LPIN1: variants seen among roughly 807,000 people sequenced by gnomAD.
LPIN1 encodes the protein phosphatidate phosphatase LPIN1.
Under a neutral mutation model 107.5 loss-of-function variants are expected in LPIN1, and 71 were observed. The observed-to-expected ratio is 0.66, with a 90% CI of 0.55 to 0.80. The LOEUF is 0.80. LPIN1 is among the 30% of genes least tolerant of loss of function. The pLI is 0.00. For missense variants in LPIN1, 1,043 were observed against 1,160.6 expected (o/e 0.90, Z 1.47); for synonymous variants, 445 against 452.6 (o/e 0.98, Z 0.21).
rs1572328548 is a variant in LPIN1, at chr2:11,693,822, A to ATATAT, written c.81+16095_81+16096insATATT. Among the ~76,000 whole-genome samples the ATATAT allele has an allele frequency of 3.9e-3, 74 of 18,998 alleles. 1 individual carries two copies. The highest frequency in any genetic ancestry group is 6.2e-3 in the Non-Finnish European group (61 of 9,884). 12.5% of individuals were successfully genotyped at this position (18,998 alleles called of 152,430 possible). On this transcript the variant is annotated intron_variant, in intron 1 of 21. Transcript: ENST00000449576. ...TATATATATATATATATATATATAT[A>ATATAT]TTTTTTTTTTTTTTTTTTTTTTTTT...
intron 1 of LPIN1, chr2:11,741,112 AGC>A (rs1456092410): frequency 2.7e-6 from 1 of 368,962 alleles, no homozygotes; most frequent in African/African-American, 2.1e-5. Flanking sequence ...CCTTCACAGC[AGC>A]ACAAATGGGA....
At chr2:11,782,622 A>G in intron 8 of LPIN1, 115 bp downstream of exon 8, 1 of 1,169,814 alleles carries the variant, frequency 8.5e-7, no homozygotes, top group South Asian at 1.3e-5. Context: ...GAACCGTGAC[A>G]ATGATCATGT....
intron 6 of LPIN1, among the ~76,000 whole-genome samples, chr2:11,778,690 C>T (rs1038698377): frequency 3.3e-5 from 5 of 152,200 alleles, no homozygotes; most frequent in Admixed American, 2.6e-4. Context: ...AATAATTAAC[C>T]ATGTTATTAT....
At chr2:11,740,686 A>G (rs1230180481) in intron 1 of LPIN1, among the ~76,000 whole-genome samples, 8 of 35,206 alleles carry the variant, frequency 2.3e-4, no homozygotes, top group South Asian at 5.7e-4. Context: ...TCTATCTCGA[A>G]AAAAAAAAAA....
intron 1 of LPIN1, among the ~76,000 whole-genome samples, chr2:11,759,496 G>C (rs1255600518): frequency 2.0e-5 from 3 of 152,092 alleles, no homozygotes; most frequent in Admixed American, 2.0e-4. Context: ...CACCGGGTTG[G>C]GGGTAAGGTC....
At chr2:11,801,986 G>T (rs1361175553) in intron 14 of LPIN1, among the ~76,000 whole-genome samples, 2 of 152,106 alleles carry the variant, frequency 1.3e-5, no homozygotes, top group Non-Finnish European at 2.9e-5. Context: ...CTCTAACCTT[G>T]CCTAGAGGAA....
chr2:11,761,743 G>C (rs1669868369), intron 1 of LPIN1, among the ~76,000 whole-genome samples: 1 of 152,170 alleles, frequency 6.6e-6, no homozygotes, highest in South Asian at 2.1e-4. Flanking sequence ...GTTGAGGTAA[G>C]ATTTACAAAA....
chr2:11,699,192 G>A (rs1335015559), intron 1 of LPIN1, among the ~76,000 whole-genome samples: 1 of 152,108 alleles, frequency 6.6e-6, no homozygotes, highest in African/African-American at 2.4e-5. Context: ...CCAAAAGATG[G>A]GACACTCCTG....
Position 11,815,104 on chromosome 2 carries a change from C to G in LPIN1, c.2266C>G (p.Leu756Val). The G allele has an allele frequency of 6.2e-7, 1 of 1,614,174 alleles. No homozygotes were observed. The highest frequency in any genetic ancestry group is 1.1e-5 in the South Asian group (1 of 91,088). The change falls in exon 18 of 21, where the codon CTC becomes GTC. Residue 756 changes from leucine to valine, a missense_variant. Coordinates refer to ENST00000674199, the MANE Select transcript of LPIN1 (RefSeq NM_001349206.2). ...HKVSQNGYKF[L>V]YCSARAIGMA... is the part of the protein sequence containing the mutation. ...GTCTTTCAGGAATGGATATAAATTT[C>G]TCTACTGTTCTGCCCGTGCCATCGG... is the stretch of plus-strand genomic sequence containing the variant.
intron 13 of LPIN1, among the ~76,000 whole-genome samples, chr2:11,793,939 G>A (rs759640235): frequency 2.3e-4 from 35 of 152,130 alleles, no homozygotes; most frequent in African/African-American, 8.0e-4. Flanking sequence ...TTGAGGGCAC[G>A]CTGATTACTC....
chr2:11,677,806 A>T lies in LPIN1; in HGVS notation c.81+78A>T, dbSNP rs1278018672. The T allele has an allele frequency of 4.8e-6, 6 of 1,254,560 alleles. No homozygotes were observed. The African/African-American group carries it at 8.8e-5, about 18-fold the overall frequency. The allele number at this position is 1,254,560 out of a possible 1,614,324, so 77.7% of individuals were successfully genotyped here. On this transcript the variant is annotated intron_variant, in intron 1 of 21. Coordinates refer to the LPIN1 transcript ENST00000449576. Reference sequence around the variant, plus strand: ...TCCATCCCCAGGTGCCCGCGTACTGATGGGACCCGGGGAACATTTGCGCCC... The same window carrying T: ...TCCATCCCCAGGTGCCCGCGTACTGTTGGGACCCGGGGAACATTTGCGCCC...
At chr2:11,760,202 G>T (rs1245332235) in intron 1 of LPIN1, among the ~76,000 whole-genome samples, 14 of 151,948 alleles carry the variant, frequency 9.2e-5, no homozygotes, top group Non-Finnish European at 2.1e-4. Context: ...CAGACTGGGG[G>T]CAGCCGGGCA....
At chr2:11,773,883 GTA>G (rs924616082) in intron 5 of LPIN1, 138 bp downstream of exon 5, 48 of 935,218 alleles carry the variant, frequency 5.1e-5, no homozygotes, top group Non-Finnish European at 7.2e-5. Flanking sequence ...AGAGTCGGAG[GTA>G]CAGATTAGGA....
chr2:11,801,071 T>G (rs531011428), intron 14 of LPIN1, among the ~76,000 whole-genome samples: 4 of 152,216 alleles, frequency 2.6e-5, no homozygotes, highest in Non-Finnish European at 5.9e-5. Context: ...CTCACCCCAG[T>G]TAGCATGGCT....
chr2:11,804,528 G>A lies in LPIN1; in HGVS notation c.2119G>A (p.Asp707Asn). 5 of 1,614,214 alleles carry A rather than the reference G, an allele frequency of 3.1e-6. No homozygotes were observed. Among genetic ancestry groups the A allele is most frequent in the Non-Finnish European group, 4.2e-6 (5 of 1,180,040 alleles). The change falls in exon 16 of 21, where the codon GAT becomes AAT. Residue 707 changes from aspartate (D) to asparagine (N), a missense_variant. Coordinates refer to ENST00000674199, the MANE Select transcript of LPIN1 (RefSeq NM_001349206.2). ...CEGTIYLWNW[D>N]DKVIISDIDG... Reference sequence around the variant, plus strand: ...GGGCACCATCTATCTGTGGAACTGGGATGATAAAGTCATCATTTCTGATAT... The same window carrying A: ...GGGCACCATCTATCTGTGGAACTGGAATGATAAAGTCATCATTTCTGATAT...
rs370443112 is a variant in LPIN1, at chr2:11,824,728, C to T, written c.2718C>T (p.Phe906=). ...CCTGTTCGGATACCTTCAGTAACTT[C>T]ACCTTTTGGAGAGAGCCACTGCCAC... ...DFPCSDTFSN[F]TFWREPLPPF... is the part of the protein sequence containing the mutation. Residue 906 remains phenylalanine (F), a synonymous_variant, in exon 21 of 21, where the codon TTC becomes TTT. Coordinates refer to ENST00000674199, the MANE Select transcript of LPIN1 (RefSeq NM_001349206.2). 34 of 1,614,070 alleles carry T rather than the reference C, an allele frequency of 2.1e-5. No homozygotes were observed. The African/African-American group carries it at 3.9e-4, about 18-fold the overall frequency.
rs761169701 is a variant in LPIN1, at chr2:11,784,970, G to T, written c.1443G>T (p.Ser481=). The change falls in exon 10 of 21, where the codon TCG becomes TCT. Residue 481 remains serine, a synonymous_variant. Coordinates refer to ENST00000674199, the MANE Select transcript of LPIN1 (RefSeq NM_001349206.2). The part of the protein sequence containing the change: ...ANQSPQSVGS[S]GVDSGVESTS... Reference sequence around the variant, plus strand: ...AGTCCCCGCAGTCGGTGGGCAGCTCGGGCGTGGACAGTGGCGTGGAGAGCA... The same window carrying T: ...AGTCCCCGCAGTCGGTGGGCAGCTCTGGCGTGGACAGTGGCGTGGAGAGCA... 2.5e-6 allele frequency: 4 copies of T among 1,613,878 alleles called. No homozygotes were observed. The Admixed American group carries it at 6.7e-5, about 27-fold the overall frequency.
intron 20 of LPIN1, among the ~76,000 whole-genome samples, chr2:11,822,894 C>T (rs554585279): frequency 6.6e-6 from 1 of 152,220 alleles, no homozygotes; most frequent in Middle Eastern, 3.2e-3. Context: ...ATGCACACCT[C>T]GCCCATGGCT....
chr2:11,767,780 T>TG lies in LPIN1; in HGVS notation c.214dup (p.Glu72GlyfsTer12). 6.2e-7 allele frequency: 1 copy of TG among 1,610,502 alleles called. No homozygotes were observed. The highest frequency in any genetic ancestry group is 8.5e-7 in the Non-Finnish European group (1 of 1,176,616). On this transcript the variant is annotated frameshift_variant, in exon 3 of 21. Coordinates refer to ENST00000674199, the MANE Select transcript of LPIN1 (RefSeq NM_001349206.2). LOFTEE classifies it high-confidence loss of function. Reference sequence around the variant, plus strand: ...CCCTTCAGGTTGACATAGAAATCAATGGGGAATCTGTGGATTTGCATATGA... The same window carrying TG: ...CCCTTCAGGTTGACATAGAAATCAATGGGGGAATCTGTGGATTTGCATATGA...
Sources: gnomAD v4.1 joint callset for allele counts (sites outside exome capture counted in the v4.1 genomes callset) on GRCh38, gnomAD v4.1.1 for gene constraint, MANE v1.5 for transcripts, NCBI Gene and HGNC (gene_info 2026-07-23, HGNC 2026-07-21) for gene names.